The following DPYD variants were observed in gnomAD, a reference collection of about 807,000 sequenced individuals.
DPYD encodes dihydropyrimidine dehydrogenase.
In DPYD, 109 loss-of-function variants were observed where a neutral mutation model predicts 116.2. The ratio of observed to expected loss-of-function variants is 0.94; its 90% CI spans 0.80 to 1.10. The LOEUF (loss-of-function observed/expected upper bound fraction) is 1.10. Ranked by LOEUF, DPYD falls within the 50% of genes least tolerant of loss-of-function variation. DPYD has a pLI of 0.00. For synonymous variants in DPYD, 440 were observed against 432.0 expected, an observed-to-expected ratio of 1.02 and a Z score of -0.23; for missense variants, 1,302 against 1,254.5, an observed-to-expected ratio of 1.04 and a Z score of -0.57.
chr1:97,666,626 A>G (rs116241948), intron 8 of DPYD, among the ~76,000 whole-genome samples: 2,655 of 152,318 alleles, frequency 0.017, 41 homozygotes, highest in Non-Finnish European at 0.026. Flanking sequence ...TAACACAAGC[A>G]TGGTATCAGG....
At chr1:97,124,665 T>C (rs1034592474) in intron 20 of DPYD, among the ~76,000 whole-genome samples, 4 of 152,094 alleles carry the variant, frequency 2.6e-5, no homozygotes, top group African/African-American at 9.7e-5. Context: ...TTGGGTTCAG[T>C]GGATATAAGT....
At chr1:97,393,337 A>G (rs1449578730) in intron 14 of DPYD, among the ~76,000 whole-genome samples, 3 of 151,746 alleles carry the variant, frequency 2.0e-5, no homozygotes, top group Non-Finnish European at 2.9e-5. Flanking sequence ...GTACATGTTC[A>G]CAACGTTCAG....
At chr1:97,887,325 C>A (rs112328460) in intron 1 of DPYD, among the ~76,000 whole-genome samples, 2,968 of 151,348 alleles carry the variant, frequency 0.02, 88 homozygotes, top group African/African-American at 0.064. Context: ...CAAAAATTAG[C>A]CGGGCATGGT....
chr1:97,868,026 A>C (rs183592918), intron 2 of DPYD, among the ~76,000 whole-genome samples: 1 of 151,960 alleles, frequency 6.6e-6, no homozygotes, highest in Admixed American at 6.6e-5. Context: ...GTAAATTTAC[A>C]AAATACAAAA....
intron 22 of DPYD, among the ~76,000 whole-genome samples, chr1:97,080,582 C>T (rs1248204025): frequency 2.0e-5 from 3 of 152,088 alleles, no homozygotes; most frequent in African/African-American, 7.2e-5. Flanking sequence ...TCTGTCCACA[C>T]AAATTGGTGC....
intron 14 of DPYD, among the ~76,000 whole-genome samples, 183 bp from the exon 15 acceptor site, chr1:97,382,644 G>A (rs1318572251): frequency 6.6e-6 from 1 of 152,056 alleles, no homozygotes; most frequent in African/African-American, 2.4e-5. Context: ...TGACATTTGG[G>A]GCTTTGGAAT....
At chr1:97,363,976 T>C (rs1466941459) in intron 16 of DPYD, among the ~76,000 whole-genome samples, 1 of 152,162 alleles carries the variant, frequency 6.6e-6, no homozygotes, top group Non-Finnish European at 1.5e-5. Context: ...TGACCTCTAG[T>C]TCCATCCATG....
intron 3 of DPYD, among the ~76,000 whole-genome samples, chr1:97,826,049 T>A (rs1669227748): frequency 6.6e-6 from 1 of 152,182 alleles, no homozygotes; most frequent in African/African-American, 2.4e-5. Flanking sequence ...TGTGTGTAAG[T>A]AAAATGTATA....
chr1:97,088,663 T>G (rs1026121754), intron 21 of DPYD, among the ~76,000 whole-genome samples: 1 of 152,088 alleles, frequency 6.6e-6, no homozygotes, highest in African/African-American at 2.4e-5. Flanking sequence ...TCCATGCATG[T>G]GTATAATTTT....
chr1:97,239,914 T>C (rs1008880185), intron 18 of DPYD, among the ~76,000 whole-genome samples: 1 of 152,054 alleles, frequency 6.6e-6, no homozygotes, highest in Admixed American at 6.6e-5. Flanking sequence ...ATAATAAAAA[T>C]TGTAGAAGTG....
At chr1:97,395,657 A>G (rs2101617032) in intron 14 of DPYD, among the ~76,000 whole-genome samples, 1 of 152,142 alleles carries the variant, frequency 6.6e-6, no homozygotes, top group Non-Finnish European at 1.5e-5. Flanking sequence ...GCCACTTCGG[A>G]AGGACTCCCA....
intron 8 of DPYD, among the ~76,000 whole-genome samples, chr1:97,657,052 C>CT (rs1658959192): frequency 2.0e-5 from 3 of 150,360 alleles, no homozygotes; most frequent in Admixed American, 1.3e-4. Flanking sequence ...ACCACAACCT[C>CT]TATCTACCAG....
rs1273567747 is a variant in DPYD, at chr1:97,358,894, T to G, written c.2058+14667A>C. 3.3e-5 allele frequency among the ~76,000 whole-genome samples: 5 copies of G among 151,844 alleles called. No individual in the cohort carries two copies. In the South Asian group the frequency reaches 8.3e-4, roughly 25 times the overall value. On this transcript the variant is annotated intron_variant, in intron 16 of 22. Coordinates refer to ENST00000370192, the MANE Select transcript of DPYD (RefSeq NM_000110.4). ...AAGCTGAAAATTCTAAAAATCAGAG[T>G]GCCTCTTCTCCTACAAAGGATCACA...
rs558620389 is a variant in DPYD at position 97,331,253 on chromosome 1, C to G, written c.2059-24956G>C. On this transcript the variant is annotated intron_variant, in intron 16 of 22. Coordinates refer to ENST00000370192, the MANE Select transcript of DPYD (RefSeq NM_000110.4). ...TTTTAGGAGGTCAAGACAGGAGGAT[C>G]GCTTGAGGCCAGGAGTTCAGAGCCA... Among the ~76,000 whole-genome samples, 25 of 152,208 alleles carry G rather than the reference C, an allele frequency of 1.6e-4. No homozygotes were observed. In the East Asian group the frequency reaches 4.6e-3, roughly 28 times the overall value.
At chr1:97,092,905 G>A (rs1649990831) in intron 21 of DPYD, among the ~76,000 whole-genome samples, 1 of 152,008 alleles carries the variant, frequency 6.6e-6, no homozygotes, top group African/African-American at 2.4e-5. Flanking sequence ...CTTGGAGGAA[G>A]AATTAACAAG....
intron 20 of DPYD, among the ~76,000 whole-genome samples, chr1:97,153,288 C>T (rs1655169799): frequency 6.6e-6 from 1 of 152,132 alleles, no homozygotes; most frequent in African/African-American, 2.4e-5. Context: ...TGCATCCACA[C>T]TCCCTTCCAC....
At chr1:97,588,958 T>A (rs1388282775) in intron 10 of DPYD, among the ~76,000 whole-genome samples, 1 of 152,174 alleles carries the variant, frequency 6.6e-6, no homozygotes, top group Admixed American at 6.5e-5. Context: ...TGATGATACA[T>A]CAGAGCAGTG....
At chr1:97,171,740 A>G (rs542509672) in intron 20 of DPYD, among the ~76,000 whole-genome samples, 3 of 152,216 alleles carry the variant, frequency 2.0e-5, no homozygotes, top group Non-Finnish European at 4.4e-5. Flanking sequence ...TGTCATTATC[A>G]TGATTATCAA....
chr1:97,414,175 G>A (rs1674164343), intron 14 of DPYD, among the ~76,000 whole-genome samples: 1 of 151,996 alleles, frequency 6.6e-6, no homozygotes, highest in African/African-American at 2.4e-5. Context: ...TCTACAACTT[G>A]GAAGGAGACA....
Sources: gnomAD v4.1 joint callset for allele counts (sites outside exome capture counted in the v4.1 genomes callset) on GRCh38, gnomAD v4.1.1 for gene constraint, MANE v1.5 for transcripts, NCBI Gene and HGNC (gene_info 2026-07-23, HGNC 2026-07-21) for gene names.